NTN4: variants seen among roughly 807,000 people sequenced by gnomAD.
NTN4 encodes the protein netrin-4.
Under a neutral mutation model 73.6 loss-of-function variants are expected in NTN4, and 32 were observed. The ratio of observed to expected loss-of-function variants is 0.44; its 90% CI spans 0.33 to 0.58. NTN4 has a LOEUF of 0.58. Among genes scored for constraint, NTN4 ranks in the 20% least tolerant of loss-of-function variants. NTN4 has a pLI of 0.04. For missense variants in NTN4, 654 were observed against 798.3 expected (o/e 0.82, Z 2.18); for synonymous variants, 258 against 287.5 (o/e 0.90, Z 1.04).
chr12:95,677,960 G>C (rs1309213921), intron 7 of NTN4, among the ~76,000 whole-genome samples: 3 of 152,090 alleles, frequency 2.0e-5, no homozygotes, highest in Non-Finnish European at 2.9e-5. Context: ...TGATAGACTG[G>C]ATAAAGAAAA....
Position 95,771,809 on chromosome 12 carries a change from A to G in NTN4, c.585+15130T>C, listed in dbSNP as rs537500527. Among the ~76,000 whole-genome samples the G allele has an allele frequency of 1.2e-4, 19 of 152,032 alleles. No homozygotes were observed. In the South Asian group the frequency reaches 3.9e-3, roughly 32 times the overall value. ...CCTCCTTCAATATAGCATGCCAACT[A>G]TTGCTCCCTCTCCCTTTTCCATCAT... On this transcript the variant is annotated intron_variant, in intron 2 of 9. Transcript: ENST00000343702.
At chr12:95,778,388 A>G (rs192146224) in intron 2 of NTN4, among the ~76,000 whole-genome samples, 2 of 152,060 alleles carry the variant, frequency 1.3e-5, no homozygotes, top group Non-Finnish European at 2.9e-5. Flanking sequence ...TTTTTTGAAA[A>G]GATCAACAAA....
At chr12:95,682,852 A>G in intron 6 of NTN4, 30 bp from the exon 7 acceptor site, 1 of 1,367,680 alleles carries the variant, frequency 7.3e-7, no homozygotes, top group Non-Finnish European at 1.0e-6. Flanking sequence ...TAAAGAACGT[A>G]TTCAGGAATT....
At chr12:95,753,801 A>C (rs866599972) in intron 2 of NTN4, among the ~76,000 whole-genome samples, 3,648 of 144,786 alleles carry the variant, frequency 0.025, 122 homozygotes, top group African/African-American at 0.087. Context: ...AGGTACAGCC[A>C]ATTTAAGCTC....
chr12:95,742,278 A>C (rs1020956916), intron 2 of NTN4, among the ~76,000 whole-genome samples: 1 of 151,958 alleles, frequency 6.6e-6, no homozygotes, highest in Admixed American at 6.6e-5. Flanking sequence ...GGTGGATCAC[A>C]ATGTCAGGAG....
chr12:95,703,282 T>C (rs2078499871), intron 5 of NTN4, among the ~76,000 whole-genome samples: 1 of 152,250 alleles, frequency 6.6e-6, no homozygotes, highest in South Asian at 2.1e-4. Flanking sequence ...ATTATGTTTA[T>C]GATTATTTCA....
chr12:95,677,182 T>C (rs2078279768), intron 7 of NTN4, among the ~76,000 whole-genome samples: 1 of 151,978 alleles, frequency 6.6e-6, no homozygotes, highest in African/African-American at 2.4e-5. Flanking sequence ...TGAGCCGAGA[T>C]TGCACCACTG....
intron 5 of NTN4, among the ~76,000 whole-genome samples, chr12:95,699,228 A>G (rs1442029197): frequency 2.6e-5 from 4 of 152,212 alleles, no homozygotes; most frequent in Non-Finnish European, 5.9e-5. Context: ...CAAACCTACA[A>G]TTTGAAAGAA....
At chr12:95,777,816 C>T (rs908871541) in intron 2 of NTN4, among the ~76,000 whole-genome samples, 11 of 152,156 alleles carry the variant, frequency 7.2e-5, no homozygotes, top group African/African-American at 2.7e-4. Context: ...CCAACTGGAC[C>T]TAATAGACAT....
intron 7 of NTN4, among the ~76,000 whole-genome samples, chr12:95,679,999 A>G (rs2078303413): frequency 6.6e-6 from 1 of 152,072 alleles, no homozygotes; most frequent in Non-Finnish European, 1.5e-5. Flanking sequence ...CCTCCTTCAG[A>G]ATTTTTTTCC....
At chr12:95,725,491 T>C (rs1197248795) in intron 3 of NTN4, among the ~76,000 whole-genome samples, 1 of 152,206 alleles carries the variant, frequency 6.6e-6, no homozygotes, top group Admixed American at 6.5e-5. Flanking sequence ...CAGGCTACTA[T>C]GCATTCTCTT....
chr12:95,746,830 T>C (rs1416742373), intron 2 of NTN4, among the ~76,000 whole-genome samples: 1 of 152,196 alleles, frequency 6.6e-6, no homozygotes, highest in African/African-American at 2.4e-5. Flanking sequence ...ATTGTAGGGC[T>C]CACCTCATTT....
intron 3 of NTN4, among the ~76,000 whole-genome samples, chr12:95,716,790 A>AT (rs147289513): frequency 0.017 from 2,565 of 151,932 alleles, 68 homozygotes; most frequent in African/African-American, 0.059. Flanking sequence ...CATCCTCTCC[A>AT]TTTTTTAATT....
chr12:95,790,854 T>G, upstream of NTN4: 1 of 114,114 alleles, frequency 8.8e-6, no homozygotes, highest in South Asian at 3.3e-4. The surrounding 1 kb of genome is among the most constrained non-coding windows in gnomAD (Gnocchi z 6.5). Context: ...CACCCCTTCC[T>G]CCCGCCCGCC....
chr12:95,692,144 T>A (rs2078406605), intron 5 of NTN4, among the ~76,000 whole-genome samples: 1 of 152,032 alleles, frequency 6.6e-6, no homozygotes, highest in Non-Finnish European at 1.5e-5. Flanking sequence ...CAAGTGATTC[T>A]CCTGCCCCAG....
intron 2 of NTN4, among the ~76,000 whole-genome samples, chr12:95,752,461 T>C (rs1429453332): frequency 6.6e-6 from 1 of 151,544 alleles, no homozygotes; most frequent in Non-Finnish European, 1.5e-5. Context: ...CAGCCTCTCT[T>C]TGCTTTCACT....
chr12:95,769,490 C>T (rs182300020), intron 2 of NTN4, among the ~76,000 whole-genome samples: 9 of 148,180 alleles, frequency 6.1e-5, no homozygotes, highest in Admixed American at 7.0e-5. Flanking sequence ...GGGCAGCCCC[C>T]GGAATCACAG....
chr12:95,727,266 A>G (rs908175340), intron 3 of NTN4, among the ~76,000 whole-genome samples: 10 of 152,176 alleles, frequency 6.6e-5, no homozygotes, highest in African/African-American at 2.2e-4. Context: ...ACTGATTATT[A>G]AACTGGGTTA....
intron 2 of NTN4, among the ~76,000 whole-genome samples, chr12:95,747,937 A>G (rs2078873680): frequency 6.6e-6 from 1 of 152,106 alleles, no homozygotes; most frequent in South Asian, 2.1e-4. Flanking sequence ...TTATAGAAAA[A>G]ATATATTTAA....
Sources: gnomAD v4.1 joint callset for allele counts (sites outside exome capture counted in the v4.1 genomes callset) on GRCh38, gnomAD v4.1.1 for gene constraint, Gnocchi (gnomAD v3.1) non-coding constraint, MANE v1.5 for transcripts, NCBI Gene and HGNC (gene_info 2026-07-23, HGNC 2026-07-21) for gene names.